The following KCNIP4 variants were observed in gnomAD, a reference collection of about 807,000 sequenced individuals.
KCNIP4 encodes potassium voltage-gated channel interacting protein 4.
Under a neutral mutation model 34.0 loss-of-function variants are expected in KCNIP4, and 12 were observed. The observed-to-expected ratio is 0.35, with a 90% CI of 0.23 to 0.57. The LOEUF (loss-of-function observed/expected upper bound fraction) is 0.57. KCNIP4 is among the 20% of genes least tolerant of loss of function. The pLI is 0.83. For missense variants in KCNIP4, 238 were observed against 311.7 expected (o/e 0.76, Z 1.78); for synonymous variants, 124 against 102.2 (o/e 1.21, Z -1.29).
chr4:21,288,927 G>A (rs1210873178), intron 1 of KCNIP4, among the ~76,000 whole-genome samples: 1 of 152,114 alleles, frequency 6.6e-6, no homozygotes, highest in Non-Finnish European at 1.5e-5. Context: ...TGGCTGTATA[G>A]TATTCCATAT....
At chr4:20,830,086 G>C (rs1718234017) in intron 3 of KCNIP4, among the ~76,000 whole-genome samples, 1 of 151,984 alleles carries the variant, frequency 6.6e-6, no homozygotes, top group South Asian at 2.1e-4. Flanking sequence ...GAATGCTTTA[G>C]TCAAAAAGGT....
intron 1 of KCNIP4, among the ~76,000 whole-genome samples, chr4:21,375,548 T>C (rs1043758366): frequency 6.9e-6 from 1 of 144,710 alleles, no homozygotes; most frequent in African/African-American, 2.6e-5. Context: ...ATTATCATTG[T>C]TACCCTTTTT....
rs545727138 is a variant in KCNIP4, at chr4:21,173,891, G to A, written c.62-291182C>T. ...CATAGAATACTTCTCGCCCAGCTGCGCCCAAGTAGGTAAAAGGCTCTTGCT... is the reference window on the plus strand; with the variant it reads ...CATAGAATACTTCTCGCCCAGCTGCACCCAAGTAGGTAAAAGGCTCTTGCT... On this transcript the variant is annotated intron_variant, in intron 1 of 8. Transcript: ENST00000382152. 2.1e-4 allele frequency among the ~76,000 whole-genome samples: 32 copies of A among 152,252 alleles called. No homozygotes were observed. In the South Asian group the frequency reaches 2.5e-3, roughly 12 times the overall value.
intron 1 of KCNIP4, among the ~76,000 whole-genome samples, chr4:21,677,615 G>A (rs1183873077): frequency 6.6e-6 from 1 of 152,184 alleles, no homozygotes; most frequent in East Asian, 1.9e-4. Context: ...TGGTATGCAT[G>A]CCAATGCCAT....
chr4:21,705,128 A>G (rs1713165544), intron 1 of KCNIP4, among the ~76,000 whole-genome samples: 1 of 152,186 alleles, frequency 6.6e-6, no homozygotes, highest in Admixed American at 6.6e-5. Flanking sequence ...TACATACCAC[A>G]TGATTCCATT....
intron 1 of KCNIP4, among the ~76,000 whole-genome samples, chr4:21,445,223 C>G (rs1727870866): frequency 6.6e-6 from 1 of 152,106 alleles, no homozygotes; most frequent in Admixed American, 6.6e-5. Context: ...AGATTCAATG[C>G]CATCCCCATC....
chr4:21,814,373 C>G (rs1473523354), intron 1 of KCNIP4, among the ~76,000 whole-genome samples: 1 of 152,086 alleles, frequency 6.6e-6, no homozygotes, highest in Non-Finnish European at 1.5e-5. Flanking sequence ...AATTGAATTA[C>G]AGGGATGGGT....
rs909160036 is a variant in KCNIP4, at chr4:21,738,140, A to T, written c.61+210431T>A. Reference sequence around the variant, plus strand: ...ATAAATAAATAAATAAATAAATAATAAATAAAAGGCTTAAAAGTCAAATCT... The same window carrying T: ...ATAAATAAATAAATAAATAAATAATTAATAAAAGGCTTAAAAGTCAAATCT... On this transcript the variant is annotated intron_variant, in intron 1 of 8. Transcript: ENST00000382152. Among the ~76,000 whole-genome samples the T allele has an allele frequency of 2.7e-5, 4 of 146,146 alleles. No homozygotes were observed. In the East Asian group the frequency reaches 8.1e-4, roughly 29 times the overall value.
intron 1 of KCNIP4, among the ~76,000 whole-genome samples, chr4:21,725,379 T>C (rs1019048260): frequency 2.0e-5 from 3 of 152,086 alleles, no homozygotes; most frequent in Non-Finnish European, 4.4e-5. Flanking sequence ...AAGTCATCCA[T>C]AAAATACTCA....
chr4:21,947,675 A>G (rs1311144760), intron 1 of KCNIP4, among the ~76,000 whole-genome samples: 9 of 152,190 alleles, frequency 5.9e-5, no homozygotes, highest in Non-Finnish European at 1.2e-4. Context: ...CTCTAAACCC[A>G]AACTATGCTA....
intron 1 of KCNIP4, among the ~76,000 whole-genome samples, chr4:21,891,432 C>T (rs1174497034): frequency 2.6e-5 from 4 of 151,994 alleles, no homozygotes; most frequent in Non-Finnish European, 4.4e-5. Flanking sequence ...TAGGGTTCTT[C>T]GGATCCCTAA....
At chr4:20,775,784 T>A (rs570196053) in intron 3 of KCNIP4, among the ~76,000 whole-genome samples, 1 of 152,240 alleles carries the variant, frequency 6.6e-6, no homozygotes, top group African/African-American at 2.4e-5. Flanking sequence ...TTAGAATAAA[T>A]CTCTGTACTA....
intron 6 of KCNIP4, among the ~76,000 whole-genome samples, chr4:20,733,224 G>T (rs768839494): frequency 2.0e-5 from 3 of 152,126 alleles, no homozygotes; most frequent in Non-Finnish European, 4.4e-5. Context: ...AAATTAATTG[G>T]TAAGTCTTAA....
chr4:21,265,686 A>G (rs60827539), intron 1 of KCNIP4, among the ~76,000 whole-genome samples: 4,156 of 152,310 alleles, frequency 0.027, 151 homozygotes, highest in African/African-American at 0.084. Flanking sequence ...TAGAATCATA[A>G]TGGAAAATAA....
chr4:20,979,477 C>A (rs531072362), intron 1 of KCNIP4, among the ~76,000 whole-genome samples: 1 of 150,936 alleles, frequency 6.6e-6, no homozygotes, highest in Admixed American at 6.6e-5. Flanking sequence ...CGGCTCACTG[C>A]AAGCTCCGCC....
chr4:20,946,205 A>G (rs1014122852), intron 1 of KCNIP4, among the ~76,000 whole-genome samples: 3 of 152,184 alleles, frequency 2.0e-5, no homozygotes, highest in African/African-American at 4.8e-5. Context: ...GTAGGAAAAC[A>G]TGCTTTGAGA....
chr4:21,210,764 T>C (rs1757169157), intron 1 of KCNIP4, among the ~76,000 whole-genome samples: 1 of 152,162 alleles, frequency 6.6e-6, no homozygotes, highest in Non-Finnish European at 1.5e-5. Context: ...TTTTCTCAAA[T>C]AATTTCTTAA....
At chr4:21,233,146 A>G (rs1758921685) in intron 1 of KCNIP4, among the ~76,000 whole-genome samples, 1 of 152,158 alleles carries the variant, frequency 6.6e-6, no homozygotes, top group African/African-American at 2.4e-5. Context: ...TGAAATGCAA[A>G]GAACAGAGAA....
At chr4:21,353,481 C>A (rs11942848) in intron 1 of KCNIP4, among the ~76,000 whole-genome samples, 5,059 of 152,010 alleles carry the variant, frequency 0.033, 217 homozygotes, top group East Asian at 0.2. Flanking sequence ...ACACCATGGC[C>A]CAAGAACTTC....
Sources: allele counts gnomAD v4.1 joint callset (sites outside exome capture counted in the v4.1 genomes callset), GRCh38; gene constraint gnomAD v4.1.1; transcripts MANE v1.5; gene names NCBI Gene and HGNC (gene_info 2026-07-23, HGNC 2026-07-21).